The following PXDN variants were observed in gnomAD, a reference collection of about 807,000 sequenced individuals.
PXDN encodes peroxidasin homolog.
In PXDN, 77 loss-of-function variants were observed where a neutral mutation model predicts 140.3. The ratio of observed to expected loss-of-function variants is 0.55; its 90% CI spans 0.46 to 0.66. The LOEUF is 0.66. Among genes scored for constraint, PXDN ranks in the 30% least tolerant of loss-of-function variants. The probability of loss-of-function intolerance (pLI) is 0.00; values close to 1 mark genes in which losing one functional copy is unlikely to be tolerated. For synonymous variants in PXDN, 911 were observed against 857.4 expected (o/e 1.06, Z -1.09); for missense variants, 1,838 against 2,039.5 (o/e 0.90, Z 1.90).
intron 7 of PXDN, among the ~76,000 whole-genome samples, chr2:1,677,439 C>A (rs1048343595): frequency 6.6e-6 from 1 of 152,204 alleles, no homozygotes; most frequent in African/African-American, 2.4e-5. Flanking sequence ...CTAAAGCGTC[C>A]CTGAAAGAAT....
chr2:1,656,184 A>T (rs924780319), intron 14 of PXDN, among the ~76,000 whole-genome samples: 1 of 152,026 alleles, frequency 6.6e-6, no homozygotes, highest in Non-Finnish European at 1.5e-5. Context: ...ACACAGAATC[A>T]CACACCTTAT....
At chr2:1,737,667 T>C (rs932384011) in intron 1 of PXDN, among the ~76,000 whole-genome samples, 4 of 151,906 alleles carry the variant, frequency 2.6e-5, no homozygotes, top group Non-Finnish European at 5.9e-5. Context: ...AGCCTCCCGA[T>C]AGCTGGAACT....
chr2:1,675,829 G>C (rs375420046), intron 8 of PXDN, among the ~76,000 whole-genome samples: 1 of 141,240 alleles, frequency 7.1e-6, no homozygotes, highest in African/African-American at 2.9e-5. Context: ...GTTTGAGCCC[G>C]AGTATCACAG....
intron 9 of PXDN, among the ~76,000 whole-genome samples, chr2:1,668,603 C>A (rs146379317): frequency 5.0e-4 from 68 of 136,228 alleles, no homozygotes; most frequent in East Asian, 6.2e-4. Context: ...AACAAATTTA[C>A]AAAAAAAAAA....
chr2:1,707,680 A>G (rs988930928), intron 1 of PXDN, among the ~76,000 whole-genome samples: 4 of 152,212 alleles, frequency 2.6e-5, no homozygotes, highest in Non-Finnish European at 5.9e-5. Context: ...AGAAGAGGAC[A>G]AAAAAGGGGA....
Position 1,662,190 on chromosome 2 carries a change from A to G in PXDN, c.1568-6T>C. 1 of 1,574,994 alleles carries G rather than the reference A, an allele frequency of 6.3e-7. No homozygotes were observed. The highest frequency in any genetic ancestry group is 8.6e-7 in the Non-Finnish European group (1 of 1,158,858). On this transcript the variant is annotated splice_polypyrimidine_tract_variant and splice_region_variant and intron_variant, in intron 12 of 22. Transcript: ENST00000252804. ...GCTGGCAAACACTGGGGTGACTGGA[A>G]GGCAGATGTAGAGAATCCAGGAGAA...
Position 1,687,621 on chromosome 2 carries a change from G to C in PXDN, c.416+11C>G, listed in dbSNP as rs754399533. On this transcript the variant is annotated intron_variant, in intron 4 of 22. Transcript: ENST00000252804. This position sits in a 1 kb window ranked among gnomAD's most constrained non-coding sequence, Gnocchi z 4.0. Reference sequence around the variant, plus strand: ...TCCAAGAACTAAAGCACGAAGAGAAGGGGCACTTACAGTTGCTCTAGAGAG... The same window carrying C: ...TCCAAGAACTAAAGCACGAAGAGAACGGGCACTTACAGTTGCTCTAGAGAG... 11 of 1,483,166 alleles carry C rather than the reference G, an allele frequency of 7.4e-6. No homozygotes were observed. The highest frequency in any genetic ancestry group is 2.4e-5 in the South Asian group (2 of 84,126). The allele number at this position is 1,483,166 out of a possible 1,614,324, so 91.9% of individuals were successfully genotyped here.
At position 1,685,630 on chromosome 2, in the gene PXDN, T is replaced by C. The variant is rs1216643386; in HGVS notation, c.417-1479A>G. 1.3e-5 allele frequency among the ~76,000 whole-genome samples: 2 copies of C among 151,208 alleles called. No homozygotes were observed. Among genetic ancestry groups the C allele is most frequent in the Non-Finnish European group, 2.9e-5 (2 of 67,828 alleles). On this transcript the variant is annotated intron_variant, in intron 4 of 22. Transcript: ENST00000252804. This position sits in a 1 kb window ranked among gnomAD's most constrained non-coding sequence, Gnocchi z 5.1. ...TACTGACCGAGGGAAGGAAAGGGGG[T>C]ATTTCAAGCCCCACGGAGAGCGATG... is the stretch of plus-strand genomic sequence containing the variant.
Position 1,744,219 on chromosome 2 carries a change from C to G in PXDN, c.200+37G>C, listed in dbSNP as rs1299421263. 4.1e-6 allele frequency: 6 copies of G among 1,457,244 alleles called. 1 individual carries two copies. The South Asian group carries it at 8.1e-5, about 20-fold the overall frequency. 90.3% of individuals were successfully genotyped at this position (1,457,244 alleles called of 1,614,324 possible). On this transcript the variant is annotated intron_variant, in intron 1 of 22. Transcript: ENST00000252804. ...GCGCTCCCGGATCTCCACGAAGCCC[C>G]GGACCCCGCGCCCCCGGCGTCCCCC...
At chr2:1,744,545 T>A (rs1685647501), upstream of PXDN, 5 of 1,113,668 alleles carry the variant, frequency 4.5e-6, no homozygotes, top group Non-Finnish European at 5.7e-6. Flanking sequence ...ACGTCCCAGC[T>A]GTGCGCGGGG....
intron 19 of PXDN, among the ~76,000 whole-genome samples, chr2:1,641,436 C>A (rs1385881831): frequency 6.6e-6 from 1 of 152,250 alleles, no homozygotes; most frequent in Non-Finnish European, 1.5e-5. Context: ...AGGCATGTGC[C>A]ACCGCCCAGC....
At chr2:1,658,832 C>T (rs1407956192) in intron 14 of PXDN, among the ~76,000 whole-genome samples, 2 of 150,730 alleles carry the variant, frequency 1.3e-5, no homozygotes, top group African/African-American at 2.4e-5. Context: ...CTGCCACCCC[C>T]CATCTCCCCG....
intron 1 of PXDN, among the ~76,000 whole-genome samples, chr2:1,721,914 C>A (rs1685062289): frequency 6.6e-6 from 1 of 152,138 alleles, no homozygotes. Flanking sequence ...AATATTTATA[C>A]CAAATAGTTA....
intron 8 of PXDN, among the ~76,000 whole-genome samples, chr2:1,675,367 T>C (rs1015744050): frequency 6.6e-6 from 1 of 152,202 alleles, no homozygotes; most frequent in South Asian, 2.1e-4. Flanking sequence ...TTTTTTCGTA[T>C]ATAAAATGTA....
At chr2:1,725,040 T>A (rs1218834790) in intron 1 of PXDN, among the ~76,000 whole-genome samples, 2 of 152,172 alleles carry the variant, frequency 1.3e-5, no homozygotes, top group Non-Finnish European at 2.9e-5. Flanking sequence ...TCTTTTCCCA[T>A]CAATGTTTTA....
chr2:1,711,524 A>C (rs1684780591), intron 1 of PXDN, among the ~76,000 whole-genome samples: 3 of 119,440 alleles, frequency 2.5e-5, no homozygotes, highest in African/African-American at 3.5e-5. Context: ...CACCCACTCC[A>C]CCAGCATCCA....
At chr2:1,720,663 A>C (rs1325898145) in intron 1 of PXDN, among the ~76,000 whole-genome samples, 2 of 144,350 alleles carry the variant, frequency 1.4e-5, no homozygotes, top group South Asian at 2.3e-4. Context: ...CTCTCTCTGC[A>C]TCTCTTTCTC....
At chr2:1,694,068 G>C (rs910928293) in intron 1 of PXDN, among the ~76,000 whole-genome samples, 1 of 151,940 alleles carries the variant, frequency 6.6e-6, no homozygotes, top group Non-Finnish European at 1.5e-5. Context: ...AAAATAAACA[G>C]AAAGACCAAT....
chr2:1,695,325 G>C (rs1377060424), intron 1 of PXDN, among the ~76,000 whole-genome samples: 1 of 151,424 alleles, frequency 6.6e-6, no homozygotes, highest in African/African-American at 2.4e-5. Flanking sequence ...GCTGGACAGA[G>C]AGGTGCTGTC....
Sources: allele counts gnomAD v4.1 joint callset (sites outside exome capture counted in the v4.1 genomes callset), GRCh38; gene constraint gnomAD v4.1.1; non-coding constraint Gnocchi (gnomAD v3.1); transcripts MANE v1.5; gene names NCBI Gene and HGNC (gene_info 2026-07-23, HGNC 2026-07-21).